GSE1: variants seen among roughly 807,000 people sequenced by gnomAD.
GSE1 encodes the protein Gse1 coiled-coil protein.
GSE1 carries 32 observed loss-of-function variants against 112.6 expected under a neutral mutation model. The ratio of observed to expected loss-of-function variants is 0.28; its 90% CI spans 0.21 to 0.38. The LOEUF is 0.38. GSE1 is among the 10% of genes least tolerant of loss of function. GSE1 has a pLI of 1.00. For synonymous variants in GSE1, 1,115 were observed against 735.6 expected, an observed-to-expected ratio of 1.52 and a Z score of -8.35; for missense variants, 2,348 against 1,699.2, an observed-to-expected ratio of 1.38 and a Z score of -6.71.
intron 2 of GSE1, among the ~76,000 whole-genome samples, chr16:85,455,610 C>G (rs887266700): frequency 4.6e-5 from 7 of 152,200 alleles, no homozygotes; most frequent in Non-Finnish European, 8.8e-5. Context: ...TGGGCTGCAA[C>G]TCAGCCCCGT....
At chr16:85,626,018 T>C (rs1028094567) in intron 1 of GSE1, among the ~76,000 whole-genome samples, 10 of 152,142 alleles carry the variant, frequency 6.6e-5, no homozygotes, top group Admixed American at 5.9e-4. Context: ...CCTGGCCACC[T>C]GCAAGGGCTG....
intron 1 of GSE1, among the ~76,000 whole-genome samples, chr16:85,257,611 A>G (rs1349668516): frequency 1.3e-5 from 2 of 152,256 alleles, no homozygotes; most frequent in Non-Finnish European, 2.9e-5. Context: ...AAGGAAAAAA[A>G]CTAGCCTGGG....
Position 85,603,136 on chromosome 16 carries a change from C to T in GSE1, c.38-45416C>T, listed in dbSNP as rs186975495. 1.5e-3 allele frequency among the ~76,000 whole-genome samples: 228 copies of T among 152,370 alleles called. 1 individual carries two copies. Among genetic ancestry groups the T allele is most frequent in the South Asian group, 3.5e-3 (17 of 4,826 alleles). ...TCAGAGCTCACGAGGCAGCAAGACC[C>T]GCCTTTCCCCTGCATGGGAGAATTG... is the stretch of plus-strand genomic sequence containing the variant. On this transcript the variant is annotated intron_variant, in intron 1 of 2. Transcript: ENST00000635906.
At chr16:85,206,547 C>G (rs905803380) in intron 1 of GSE1, among the ~76,000 whole-genome samples, 3 of 152,124 alleles carry the variant, frequency 2.0e-5, no homozygotes, top group Admixed American at 6.5e-5. Context: ...TTTCCCAGAT[C>G]CAGCTGCAAG....
chr16:85,532,373 G>A (rs922957485), intron 2 of GSE1, among the ~76,000 whole-genome samples: 12 of 152,150 alleles, frequency 7.9e-5, no homozygotes, highest in Admixed American at 2.6e-4. Flanking sequence ...CAATCCTCCT[G>A]ACTCAGCCTC....
chr16:85,656,762 G>T (rs1377167557), intron 7 of GSE1, 97 bp downstream of exon 7: 1 of 1,421,764 alleles, frequency 7.0e-7, no homozygotes, highest in Non-Finnish European at 9.2e-7. Flanking sequence ...TGGTGTAAAT[G>T]TTCCCCAGCT....
intron 2 of GSE1, among the ~76,000 whole-genome samples, chr16:85,516,623 C>T (rs916099250): frequency 2.6e-5 from 4 of 151,104 alleles, no homozygotes; most frequent in African/African-American, 7.3e-5. Flanking sequence ...AGAAATTACC[C>T]GAGACTCAGT....
In GSE1 at chr16:85,478,917, TTCTTTCTTTC is replaced by T. The variant is rs1567520793; in HGVS notation, c.2464+121286_2464+121295del. On this transcript the variant is annotated intron_variant, in intron 2 of 2. Coordinates refer to the GSE1 transcript ENST00000637419. ...TTTCTTTCTTTCTTTCTTTCTTTCT[TTCTTTCTTTC>T]TCTTTCTTTCTTTCTTTCTTTTTTT... Among the ~76,000 whole-genome samples the T allele has an allele frequency of 3.3e-5, 2 of 60,034 alleles. 1 individual carries two copies. The highest frequency in any genetic ancestry group is 1.7e-4 in the African/African-American group (2 of 11,474). The allele number at this position is 60,034 out of a possible 152,430, so 39.4% of individuals were successfully genotyped here. A position where few individuals can be genotyped will look rare whatever the true frequency, so the allele number is the denominator to read the frequency against.
intron 1 of GSE1, among the ~76,000 whole-genome samples, chr16:85,241,174 T>TGACCTTGGGCTCGGCTGCGA (rs564979188): frequency 1.7e-5 from 2 of 115,712 alleles, no homozygotes; most frequent in Non-Finnish European, 4.1e-5. Flanking sequence ...CTCGGCTGCG[T>TGACCTTGGGCTCGGCTGCGA]GACCTTGGGC....
intron 2 of GSE1, among the ~76,000 whole-genome samples, chr16:85,641,302 A>G (rs750162739): frequency 2.0e-4 from 30 of 152,340 alleles, no homozygotes; most frequent in Admixed American, 6.5e-4. Flanking sequence ...TGTTCAGCAC[A>G]TAATCCGCCC....
At chr16:85,544,694 G>A (rs922368468) in intron 2 of GSE1, among the ~76,000 whole-genome samples, 1 of 152,206 alleles carries the variant, frequency 6.6e-6, no homozygotes, top group African/African-American at 2.4e-5. Flanking sequence ...CGAGATCTGC[G>A]TGTCATCCAC....
Position 85,257,402 on chromosome 16 carries a change from C to T in GSE1, c.2283+85595C>T, listed in dbSNP as rs1008174343. ...CTGGGATTACAGGCATGAGCCACCACGCTCAGCAATGTTCTGCATTTTCTA... is the reference window on the plus strand; with the variant it reads ...CTGGGATTACAGGCATGAGCCACCATGCTCAGCAATGTTCTGCATTTTCTA... On this transcript the variant is annotated intron_variant, in intron 1 of 2. Coordinates refer to the GSE1 transcript ENST00000637419. Among the ~76,000 whole-genome samples the T allele has an allele frequency of 2.6e-5, 4 of 152,212 alleles. No homozygotes were observed. The East Asian group carries it at 5.8e-4, about 22-fold the overall frequency.
In GSE1 at chr16:85,654,936, G is replaced by A. The variant is rs373551748; in HGVS notation, c.742G>A (p.Ala248Thr). ...PLGLDPATAA[A>T]YYHPSYLAPH... The stretch of plus-strand genomic sequence containing the variant: ...CGGCCTGGACCCGGCCACTGCTGCA[G>A]CCTACTACCACCCCAGCTACCTGGC... Residue 248 changes from alanine (A) to threonine (T), a missense_variant, in exon 5 of 16, where the codon GCC (alanine) becomes ACC (threonine). Ala to Thr is a moderately conservative substitution (Grantham distance 58, BLOSUM62 0). Transcript: ENST00000253458. The A allele has an allele frequency of 1.2e-6, 2 of 1,610,776 alleles. No homozygotes were observed. The highest frequency in any genetic ancestry group is 1.3e-5 in the African/African-American group (1 of 74,980).
At chr16:85,470,182 A>G (rs927658454) in intron 2 of GSE1, among the ~76,000 whole-genome samples, 1 of 152,220 alleles carries the variant, frequency 6.6e-6, no homozygotes, top group African/African-American at 2.4e-5. Flanking sequence ...TGGGCTGTTC[A>G]TGCTGTGCCC....
At position 85,663,074 on chromosome 16, in the gene GSE1, A is replaced by G. The variant is rs746414003; in HGVS notation, c.2354A>G (p.Lys785Arg). ...LRCVAEQPPL[K>R]LDTSSEKLEF... ...TGCGTGGCCGAGCAGCCGCCCCTCA[A>G]ACTGGACACGTCCTCTGAGGTACTG... The change falls in exon 10 of 16, where the codon AAA (lysine) becomes AGA (arginine). Residue 785 changes from lysine to arginine, a missense_variant. By Grantham distance (26) the Lys-to-Arg change is conservative (BLOSUM62 2). Coordinates refer to ENST00000253458, the MANE Select transcript of GSE1 (RefSeq NM_014615.5). The G allele has an allele frequency of 1.2e-6, 2 of 1,609,838 alleles. No individual in the cohort carries two copies. The highest frequency in any genetic ancestry group is 2.2e-5 in the East Asian group (1 of 44,868).
intron 1 of GSE1, among the ~76,000 whole-genome samples, chr16:85,616,154 T>A (rs1462514924): frequency 6.6e-6 from 1 of 152,226 alleles, no homozygotes; most frequent in Non-Finnish European, 1.5e-5. Flanking sequence ...GTCCTGCACC[T>A]CTGAGCTAGA....
intron 1 of GSE1, among the ~76,000 whole-genome samples, chr16:85,281,724 C>T (rs1208017009): frequency 1.3e-5 from 2 of 152,164 alleles, no homozygotes; most frequent in African/African-American, 4.8e-5. Context: ...GGTGTCAGCC[C>T]ACTTCAGGTT....
At chr16:85,567,283 C>T (rs1041255821) in intron 1 of GSE1, among the ~76,000 whole-genome samples, 1 of 152,124 alleles carries the variant, frequency 6.6e-6, no homozygotes, top group African/African-American at 2.4e-5. Flanking sequence ...AGTGTGTGGT[C>T]ATAAAACATC....
intron 2 of GSE1, among the ~76,000 whole-genome samples, chr16:85,640,859 C>T (rs896084601): frequency 1.3e-5 from 2 of 152,234 alleles, no homozygotes; most frequent in African/African-American, 4.8e-5. Context: ...CAGGTGTGAG[C>T]GCCGCGGGCG....
Sources: allele counts gnomAD v4.1 joint callset (sites outside exome capture counted in the v4.1 genomes callset), GRCh38; gene constraint gnomAD v4.1.1; transcripts MANE v1.5; gene names NCBI Gene and HGNC (gene_info 2026-07-23, HGNC 2026-07-21).